The following ZNF217 variants were observed in gnomAD, a reference collection of about 807,000 sequenced individuals.
ZNF217 encodes zinc finger protein 217.
In ZNF217, 12 loss-of-function variants were observed where a neutral mutation model predicts 73.3. That is an observed-to-expected ratio of 0.16 (90% confidence interval 0.10 to 0.27). ZNF217 has a LOEUF of 0.27. Among genes scored for constraint, ZNF217 ranks in the 10% least tolerant of loss-of-function variants. ZNF217 has a pLI of 1.00. For missense variants in ZNF217, 1,195 were observed against 1,327.8 expected (o/e 0.90, Z 1.55); for synonymous variants, 588 against 516.4 (o/e 1.14, Z -1.88).
At chr20:53,595,046 CA>C (rs55752265), upstream of ZNF217, among the ~76,000 whole-genome samples, 7,621 of 105,216 alleles carry the variant, frequency 0.072, 310 homozygotes, top group East Asian at 0.15. Context: ...AAAAAAGGGA[CA>C]AAAAAAAAAA....
rs747242932 is a variant in ZNF217 at position 53,576,420 on chromosome 20, C to T, written c.2344G>A (p.Ala782Thr). The T allele has an allele frequency of 1.9e-6, 3 of 1,614,166 alleles. No homozygotes were observed. Among genetic ancestry groups the T allele is most frequent in the Admixed American group, 3.3e-5 (2 of 60,022 alleles). Residue 782 changes from alanine (A) to threonine (T), a missense_variant, in exon 4 of 6, where the codon GCG (alanine) becomes ACG (threonine). Transcript: ENST00000371471. ...CKPKPKSAFP[A>T]QSKSLPSAKG... is the part of the protein sequence containing the mutation. The stretch of plus-strand genomic sequence containing the variant: ...GCAGATGGCAGGGATTTGGACTGCG[C>T]CGGGAAAGCAGACTTGGGCTTGGGT...
At position 53,567,291 on chromosome 20, in the gene ZNF217, C is replaced by T. The variant is rs962698438; in HGVS notation, c.*1997G>A. 1.3e-5 allele frequency: 2 copies of T among 152,276 alleles called. No homozygotes were observed. Among genetic ancestry groups the T allele is most frequent in the Admixed American group, 1.3e-4 (2 of 15,244 alleles). The allele number at this position is 152,276 out of a possible 1,614,324, so 9.4% of individuals were successfully genotyped here. ...TCTCAAAGAAAAAAAAATATAAAAC[C>T]AGTAGTATACCAATAGTTAATACTG... On this transcript the variant is annotated 3_prime_UTR_variant, in exon 6 of 6. Coordinates refer to ENST00000371471, the MANE Select transcript of ZNF217 (RefSeq NM_006526.3).
intron 1 of ZNF217, among the ~76,000 whole-genome samples, chr20:53,587,271 T>C (rs1988729121): frequency 6.6e-6 from 1 of 152,240 alleles, no homozygotes. Context: ...CACACTGATT[T>C]GTGACTAAAG....
rs1988267703 is a variant in ZNF217 at position 53,576,341 on chromosome 20, A to G, written c.2423T>C (p.Ile808Thr). 1 of 1,614,194 alleles carries G rather than the reference A, an allele frequency of 6.2e-7. No homozygotes were observed. The highest frequency in any genetic ancestry group is 1.3e-5 in the African/African-American group (1 of 75,050). ...ACTTGGGGCTAAAGTGCTAGAGTCTATCCCTGAAGTCAGAGGGGCCTTGCC... is the reference window on the plus strand; with the variant it reads ...ACTTGGGGCTAAAGTGCTAGAGTCTGTCCCTGAAGTCAGAGGGGCCTTGCC... ...GPGKAPLTSG[I>T]DSSTLAPSNL... Residue 808 changes from isoleucine (I) to threonine (T), a missense_variant, in exon 4 of 6, where the codon ATA becomes ACA. Around this residue, in one of 9 missense-constraint regions of ZNF217, gnomAD observed 649 missense variants for 642.8 expected, o/e 1.01. Coordinates refer to ENST00000371471, the MANE Select transcript of ZNF217 (RefSeq NM_006526.3).
At chr20:53,596,390 G>A (rs143490435), upstream of ZNF217, among the ~76,000 whole-genome samples, 1,135 of 152,292 alleles carry the variant, frequency 7.5e-3, 4 homozygotes, top group Non-Finnish European at 0.013. Context: ...TCCTGGAGTC[G>A]TGCCAACGAA....
intron 1 of ZNF217, among the ~76,000 whole-genome samples, chr20:53,586,242 C>T (rs780904755): frequency 6.6e-6 from 1 of 152,140 alleles, no homozygotes; most frequent in Admixed American, 6.5e-5. Context: ...ATAAATGTCA[C>T]GGAATTAGCA....
chr20:53,573,868 C>T (rs1004240015), intron 4 of ZNF217, among the ~76,000 whole-genome samples: 6 of 152,042 alleles, frequency 3.9e-5, no homozygotes, highest in African/African-American at 1.4e-4. Context: ...GTCAGGAGTT[C>T]GAGACCAGCC....
In ZNF217 at chr20:53,568,427, C is replaced by T. The variant is rs527809888; in HGVS notation, c.*861G>A. 8 of 152,256 alleles carry T rather than the reference C, an allele frequency of 5.3e-5. No individual in the cohort carries two copies. Among genetic ancestry groups the T allele is most frequent in the South Asian group, 2.1e-4 (1 of 4,822 alleles). 9.4% of individuals were successfully genotyped at this position (152,256 alleles called of 1,614,324 possible). On this transcript the variant is annotated 3_prime_UTR_variant, in exon 6 of 6. Transcript: ENST00000371471. ...TGACAGAAACAAATTTAAATAACTG[C>T]ACATACAGTTTATGTTTATACAACG...
In ZNF217 at chr20:53,582,192, G is replaced by T; in HGVS notation, c.635C>A (p.Ser212Tyr). The T allele has an allele frequency of 6.2e-7, 1 of 1,614,042 alleles. No individual in the cohort carries two copies. The highest frequency in any genetic ancestry group is 8.5e-7 in the Non-Finnish European group (1 of 1,180,046). ...AACCATGCAGATTTTGTAAGGAGAG[G>T]AGATGCTCTCGGCCGCGTGCACCTG... is the stretch of plus-strand genomic sequence containing the variant. ...VVQVHAAESI[S>Y]SPYKICMVCG... Residue 212 changes from serine to tyrosine, a missense_variant, in exon 2 of 6, where the codon TCC becomes TAC. This residue lies in a region of ZNF217 where 126 missense variants were observed against 114.4 expected (regional missense o/e 1.10). Transcript: ENST00000371471. The surrounding 1 kb of genome is among the most constrained non-coding windows in gnomAD (Gnocchi z 4.8).
Position 53,582,808 on chromosome 20 carries a change from C to G in ZNF217, c.19G>C (p.Gly7Arg). 6.2e-7 allele frequency: 1 copy of G among 1,601,466 alleles called. No homozygotes were observed. The highest frequency in any genetic ancestry group is 8.5e-7 in the Non-Finnish European group (1 of 1,172,354). MQSKVT[G>R]NMPTQSLLMY... ...AAGAGGGATTGAGTTGGCATGTTTC[C>G]TGTCACTTTCGATTGCATATAATCT... Residue 7 changes from glycine to arginine, a missense_variant, in exon 2 of 6, where the codon GGA becomes CGA. Physicochemically the swap from Gly to Arg is moderately radical, Grantham distance 125. This residue lies in a region of ZNF217 where 147 missense variants were observed against 184.3 expected (regional missense o/e 0.80). Transcript: ENST00000371471. This position sits in a 1 kb window ranked among gnomAD's most constrained non-coding sequence, Gnocchi z 4.8.
rs778351439 is a variant in ZNF217 at position 53,577,295 on chromosome 20, G to A, written c.1484-15C>T. ...TGGTTTTTCACCTAAGGCAAGAAAT[G>A]GCACTTTATTATAGAAGTGTATGAA... On this transcript the variant is annotated splice_polypyrimidine_tract_variant and intron_variant, in intron 3 of 5. Coordinates refer to ENST00000371471, the MANE Select transcript of ZNF217 (RefSeq NM_006526.3). 1 of 1,589,362 alleles carries A rather than the reference G, an allele frequency of 6.3e-7. No homozygotes were observed. The highest frequency in any genetic ancestry group is 8.5e-7 in the Non-Finnish European group (1 of 1,173,356).
At position 53,575,936 on chromosome 20, in the gene ZNF217, G is replaced by A. The variant is rs1279450788; in HGVS notation, c.2828C>T (p.Pro943Leu). 2 of 1,614,172 alleles carry A rather than the reference G, an allele frequency of 1.2e-6. No individual in the cohort carries two copies. The highest frequency in any genetic ancestry group is 2.2e-5 in the South Asian group (2 of 91,080). Residue 943 changes from proline to leucine, a missense_variant, in exon 4 of 6, where the codon CCC becomes CTC. Physicochemically the swap from Pro to Leu is moderately conservative, Grantham distance 98. Coordinates refer to ENST00000371471, the MANE Select transcript of ZNF217 (RefSeq NM_006526.3). Reference sequence around the variant, plus strand: ...GATGCCTCTGACCATATGGTACTTGGGAAGGTCATAGCCTCTTCTGTAATT... The same window carrying A: ...GATGCCTCTGACCATATGGTACTTGAGAAGGTCATAGCCTCTTCTGTAATT... ...GANYRRGYDL[P>L]KYHMVRGITS...
At chr20:53,594,638 G>A (rs1288752919), upstream of ZNF217, among the ~76,000 whole-genome samples, 1 of 151,928 alleles carries the variant, frequency 6.6e-6, no homozygotes, top group Non-Finnish European at 1.5e-5. Context: ...ACCCGGGGAG[G>A]CCGGAGGGAG....
Position 53,576,670 on chromosome 20 carries a change from C to A in ZNF217, c.2094G>T (p.Pro698=). 10 of 1,614,144 alleles carry A rather than the reference C, an allele frequency of 6.2e-6. No individual in the cohort carries two copies. Among genetic ancestry groups the A allele is most frequent in the Non-Finnish European group, 8.5e-6 (10 of 1,180,022 alleles). ...TCAAACTTTTACTCAAAGAAATTGC[C>A]GGGCAATTGTGAAGAGCCCCCACGG... ...NLSVGALHNC[P]AISLSKSLIP... is the part of the protein sequence containing the mutation. Residue 698 remains proline (P), a synonymous_variant, in exon 4 of 6, where the codon CCG becomes CCT. Transcript: ENST00000371471.
intron 1 of ZNF217, among the ~76,000 whole-genome samples, chr20:53,592,660 C>A (rs1192792391): frequency 2.0e-5 from 3 of 151,764 alleles, no homozygotes; most frequent in Non-Finnish European, 2.9e-5. Context: ...CGGGTCTTGC[C>A]CCTCGGGCGG....
intron 4 of ZNF217, among the ~76,000 whole-genome samples, chr20:53,573,272 C>T (rs530632158): frequency 2.0e-5 from 3 of 152,060 alleles, no homozygotes; most frequent in Admixed American, 1.3e-4. Flanking sequence ...TACAGGCATG[C>T]GCTACCACAC....
chr20:53,573,980 G>A (rs1332900860), intron 4 of ZNF217, among the ~76,000 whole-genome samples: 1 of 151,642 alleles, frequency 6.6e-6, no homozygotes, highest in Non-Finnish European at 1.5e-5. Flanking sequence ...TGAGGTAGGA[G>A]AACTGCTTGG....
upstream of ZNF217, among the ~76,000 whole-genome samples, chr20:53,594,547 C>T (rs960366108): frequency 4.0e-5 from 6 of 151,552 alleles, no homozygotes; most frequent in Non-Finnish European, 7.4e-5. Context: ...CCACCCTCCC[C>T]GCGCCCCCCG....
In ZNF217 at chr20:53,577,529, A is replaced by G. The variant is rs561315380; in HGVS notation, c.1484-249T>C. On this transcript the variant is annotated intron_variant, in intron 3 of 5. Coordinates refer to ENST00000371471, the MANE Select transcript of ZNF217 (RefSeq NM_006526.3). ...TTTAATCTTCCTAACAGCCCTAGGG[A>G]AATATGTATTATTCTACTTTTACAG... Among the ~76,000 whole-genome samples, 14 of 152,322 alleles carry G rather than the reference A, an allele frequency of 9.2e-5. No homozygotes were observed. In the South Asian group the frequency reaches 2.9e-3, roughly 32 times the overall value.
Sources: allele counts gnomAD v4.1 joint callset (sites outside exome capture counted in the v4.1 genomes callset), GRCh38; gene constraint gnomAD v4.1.1; regional missense constraint gnomAD v4.1.1; non-coding constraint Gnocchi (gnomAD v3.1); transcripts MANE v1.5; gene names NCBI Gene and HGNC (gene_info 2026-07-23, HGNC 2026-07-21).